CSMD1: variants seen among roughly 807,000 people sequenced by gnomAD.
The protein encoded by CSMD1 is CUB and sushi domain-containing protein 1.
CSMD1 carries 213 observed loss-of-function variants against 417.5 expected under a neutral mutation model. The observed-to-expected ratio is 0.51, with a 90% CI of 0.46 to 0.57. The LOEUF (loss-of-function observed/expected upper bound fraction) is 0.57, where lower values mean the gene tolerates loss of function less well. Ranked by LOEUF, CSMD1 falls within the 20% of genes least tolerant of loss-of-function variation. The probability of loss-of-function intolerance (pLI) is 0.00; values close to 1 mark genes in which losing one functional copy is unlikely to be tolerated. For missense variants in CSMD1, 6,923 were observed against 4,529.7 expected (o/e 1.53, Z -15.17); for synonymous variants, 2,862 against 1,736.8 (o/e 1.65, Z -16.11).
chr8:4,676,687 G>C (rs1054165447), intron 1 of CSMD1, among the ~76,000 whole-genome samples: 1 of 152,076 alleles, frequency 6.6e-6, no homozygotes, highest in African/African-American at 2.4e-5. Flanking sequence ...AGCCTATGTA[G>C]CGTATCAATG....
intron 2 of CSMD1, among the ~76,000 whole-genome samples, chr8:4,590,328 A>G (rs1197967392): frequency 6.6e-6 from 1 of 152,184 alleles, no homozygotes; most frequent in East Asian, 1.9e-4. Context: ...CATGAAAACA[A>G]AAGTCACATC....
At chr8:4,551,321 G>C (rs564331491) in intron 2 of CSMD1, among the ~76,000 whole-genome samples, 1 of 152,108 alleles carries the variant, frequency 6.6e-6, no homozygotes, top group East Asian at 1.9e-4. Flanking sequence ...TCTTCTCATG[G>C]TCCCCCGGCT....
intron 1 of CSMD1, among the ~76,000 whole-genome samples, chr8:4,888,690 G>A (rs888142671): frequency 6.6e-6 from 1 of 152,214 alleles, no homozygotes; most frequent in East Asian, 1.9e-4. Flanking sequence ...GGTCCTTGAG[G>A]TAATGACTCA....
chr8:3,269,865 T>C (rs1382798220), intron 26 of CSMD1, among the ~76,000 whole-genome samples: 1 of 152,076 alleles, frequency 6.6e-6, no homozygotes, highest in Non-Finnish European at 1.5e-5. Flanking sequence ...TTTAATGGGG[T>C]TTGGATATCT....
intron 1 of CSMD1, among the ~76,000 whole-genome samples, chr8:4,955,913 T>G (rs1809075338): frequency 6.6e-6 from 1 of 152,162 alleles, no homozygotes; most frequent in African/African-American, 2.4e-5. Context: ...AAATTATATT[T>G]AAAAAGCCAT....
intron 7 of CSMD1, among the ~76,000 whole-genome samples, chr8:3,630,317 A>C (rs1796715665): frequency 6.6e-6 from 1 of 152,198 alleles, no homozygotes; most frequent in African/African-American, 2.4e-5. Flanking sequence ...GAATTACCTA[A>C]GGTAAGAGTG....
intron 1 of CSMD1, among the ~76,000 whole-genome samples, chr8:4,638,806 G>C (rs920096960): frequency 5.9e-5 from 9 of 152,174 alleles, no homozygotes; most frequent in African/African-American, 2.2e-4. Context: ...GGGCAATTGA[G>C]TGCCACAAAG....
At chr8:4,288,758 A>G (rs1156838172) in intron 3 of CSMD1, among the ~76,000 whole-genome samples, 1 of 152,088 alleles carries the variant, frequency 6.6e-6, no homozygotes, top group Non-Finnish European at 1.5e-5. Context: ...CAACCTCCCA[A>G]CTCTAAGATC....
At chr8:4,518,874 T>C (rs2130383594) in intron 2 of CSMD1, among the ~76,000 whole-genome samples, 1 of 152,258 alleles carries the variant, frequency 6.6e-6, no homozygotes, top group East Asian at 1.9e-4. Context: ...GCCAATACTC[T>C]TCAAAGGTTT....
At chr8:4,751,862 G>A (rs1485126164) in intron 1 of CSMD1, among the ~76,000 whole-genome samples, 1 of 152,152 alleles carries the variant, frequency 6.6e-6, no homozygotes, top group Non-Finnish European at 1.5e-5. Flanking sequence ...GTGCATTGGT[G>A]TGCAGTTTAG....
At chr8:3,942,225 T>C (rs1041712243) in intron 5 of CSMD1, among the ~76,000 whole-genome samples, 3 of 152,086 alleles carry the variant, frequency 2.0e-5, no homozygotes, top group Admixed American at 6.6e-5. Context: ...ATTTTCATCA[T>C]ATATTACTGT....
At chr8:2,951,459 G>A (rs1053967765) in intron 65 of CSMD1, among the ~76,000 whole-genome samples, 184 bp from the exon 66 acceptor site, 13 of 152,280 alleles carry the variant, frequency 8.5e-5, no homozygotes, top group Non-Finnish European at 1.3e-4. Flanking sequence ...AAGCAGGTGC[G>A]AAGATTATTA....
intron 1 of CSMD1, among the ~76,000 whole-genome samples, chr8:4,925,215 G>GTTT (rs10692207): frequency 0.15 from 10,777 of 72,594 alleles, 1,794 homozygotes; most frequent in Non-Finnish European, 0.18. Flanking sequence ...CAGTTTTATG[G>GTTT]TTTTTTTTTT....
At chr8:3,631,346 A>G (rs7003037) in intron 7 of CSMD1, among the ~76,000 whole-genome samples, 1 of 152,158 alleles carries the variant, frequency 6.6e-6, no homozygotes, top group African/African-American at 2.4e-5. Flanking sequence ...CTGCACAGAG[A>G]CTGTCACACA....
At chr8:3,628,157 C>G (rs1194930402) in intron 7 of CSMD1, among the ~76,000 whole-genome samples, 1 of 152,104 alleles carries the variant, frequency 6.6e-6, no homozygotes, top group Admixed American at 6.5e-5. Flanking sequence ...CGTGTAAACC[C>G]CCCTTTGGTT....
At chr8:2,995,051 C>T (rs1286212609) in intron 54 of CSMD1, among the ~76,000 whole-genome samples, 2 of 152,096 alleles carry the variant, frequency 1.3e-5, no homozygotes, top group African/African-American at 2.4e-5. Flanking sequence ...AAAGAAAAGA[C>T]GATGAATTTA....
intron 2 of CSMD1, among the ~76,000 whole-genome samples, chr8:4,479,201 G>C (rs1183159049): frequency 6.6e-6 from 1 of 152,100 alleles, no homozygotes. Context: ...AATGTCTTCA[G>C]AGCCCTGAGA....
intron 17 of CSMD1, among the ~76,000 whole-genome samples, chr8:3,389,513 A>C (rs989165750): frequency 3.9e-5 from 6 of 152,320 alleles, no homozygotes; most frequent in East Asian, 1.9e-4. Flanking sequence ...GGGAAAAAAA[A>C]CAGTTAACTA....
intron 49 of CSMD1, among the ~76,000 whole-genome samples, chr8:3,073,970 G>A (rs1170266860): frequency 1.3e-5 from 2 of 152,174 alleles, no homozygotes; most frequent in Non-Finnish European, 2.9e-5. Flanking sequence ...GCCCAAAACA[G>A]CACACATTTA....
Sources: gnomAD v4.1 joint callset for allele counts (sites outside exome capture counted in the v4.1 genomes callset) on GRCh38, gnomAD v4.1.1 for gene constraint, MANE v1.5 for transcripts, NCBI Gene and HGNC (gene_info 2026-07-23, HGNC 2026-07-21) for gene names.